FOXO3: variants seen among roughly 807,000 people sequenced by gnomAD.
FOXO3 encodes the protein forkhead box protein O3.
In FOXO3, 4 loss-of-function variants were observed where a neutral mutation model predicts 41.9. The observed-to-expected ratio is 0.10, with a 90% confidence interval of 0.05 to 0.22. The LOEUF (loss-of-function observed/expected upper bound fraction) is 0.22. FOXO3 is among the 10% of genes least tolerant of loss of function. The pLI, the probability that FOXO3 is intolerant of heterozygous loss-of-function variation, is 1.00. For synonymous variants in FOXO3, 318 were observed against 389.3 expected (o/e 0.82, Z 2.16); for missense variants, 534 against 906.8 (o/e 0.59, Z 5.28).
chr6:108,616,013 A>C (rs774109046), intron 1 of FOXO3, among the ~76,000 whole-genome samples: 5 of 150,676 alleles, frequency 3.3e-5, no homozygotes, highest in Non-Finnish European at 7.4e-5. Flanking sequence ...TTTGAGAATG[A>C]GTCTCACTCT....
At chr6:108,583,500 C>T (rs765482714) in intron 1 of FOXO3, among the ~76,000 whole-genome samples, 3 of 152,168 alleles carry the variant, frequency 2.0e-5, no homozygotes, top group Admixed American at 6.5e-5. Flanking sequence ...GGATCAGTGG[C>T]TTTAATGGGC....
chr6:108,567,583 G>C (rs901722500), intron 1 of FOXO3, among the ~76,000 whole-genome samples: 10 of 152,164 alleles, frequency 6.6e-5, no homozygotes, highest in African/African-American at 2.2e-4. Context: ...TGAGTGACTG[G>C]GTTCAGGGTT....
chr6:108,678,607 T>C (rs1194740616), intron 2 of FOXO3, among the ~76,000 whole-genome samples: 1 of 152,034 alleles, frequency 6.6e-6, no homozygotes, highest in Non-Finnish European at 1.5e-5. Flanking sequence ...GCCTTTCCAT[T>C]GAAGACAAAA....
rs1362880994 is a variant in FOXO3 at position 108,669,233 on chromosome 6, G to A, written c.*34+4344G>A. On this transcript the variant is annotated intron_variant, in intron 2 of 2. Coordinates refer to ENST00000406360, the MANE Select transcript of FOXO3 (RefSeq NM_001455.4). Reference sequence around the variant, plus strand: ...AAAGAAATAGTGGTGTACTAGTGTGGCATCAGCAGGCTGCAGTATTGGAAG... The same window carrying A: ...AAAGAAATAGTGGTGTACTAGTGTGACATCAGCAGGCTGCAGTATTGGAAG... 1.3e-5 allele frequency among the ~76,000 whole-genome samples: 2 copies of A among 152,262 alleles called. 1 individual carries two copies. Among genetic ancestry groups the A allele is most frequent in the East Asian group, 3.8e-4 (2 of 5,206 alleles).
At chr6:108,602,178 A>G (rs1777071506) in intron 1 of FOXO3, among the ~76,000 whole-genome samples, 1 of 152,096 alleles carries the variant, frequency 6.6e-6, no homozygotes, top group Non-Finnish European at 1.5e-5. Flanking sequence ...ATGTATATCT[A>G]CTTTTATTTC....
chr6:108,655,700 C>T (rs1462589507), intron 1 of FOXO3, among the ~76,000 whole-genome samples: 1 of 152,152 alleles, frequency 6.6e-6, no homozygotes, highest in African/African-American at 2.4e-5. Flanking sequence ...TTTGAAAGAT[C>T]CTGTCATTAT....
chr6:108,592,985 C>T (rs1314549197), intron 1 of FOXO3, among the ~76,000 whole-genome samples: 1 of 152,086 alleles, frequency 6.6e-6, no homozygotes, highest in Non-Finnish European at 1.5e-5. Flanking sequence ...TGGATGCGTG[C>T]TTAGGAATGC....
intron 1 of FOXO3, among the ~76,000 whole-genome samples, chr6:108,592,855 C>A (rs1033018471): frequency 7.2e-5 from 11 of 152,094 alleles, no homozygotes; most frequent in African/African-American, 2.7e-4. Flanking sequence ...GGTTGGTGCA[C>A]GTGGTAATTG....
At chr6:108,565,230 G>GGA (rs1775920460) in intron 1 of FOXO3, among the ~76,000 whole-genome samples, 1 of 152,160 alleles carries the variant, frequency 6.6e-6, no homozygotes, top group African/African-American at 2.4e-5. Flanking sequence ...GAGGTAAGAA[G>GGA]GATAGCATTT....
intron 1 of FOXO3, among the ~76,000 whole-genome samples, chr6:108,661,079 C>T (rs11153121): frequency 0.087 from 13,183 of 150,982 alleles, 606 homozygotes; most frequent in East Asian, 0.15. Context: ...AAAGAAAATA[C>T]GAAAATACAA....
In FOXO3 at chr6:108,561,338, C is replaced by A; in HGVS notation, c.130C>A (p.Pro44Thr). 6.4e-7 allele frequency: 1 copy of A among 1,568,756 alleles called. No homozygotes were observed. Among genetic ancestry groups the A allele is most frequent in the Non-Finnish European group, 8.6e-7 (1 of 1,159,624 alleles). Reference sequence around the variant, plus strand: ...GCAAAGGCCGGAGCTCCAAGCGAGCCCTGCCAAGCCCTCGGGGGAGACGGC... The same window carrying A: ...GCAAAGGCCGGAGCTCCAAGCGAGCACTGCCAAGCCCTCGGGGGAGACGGC... The part of the protein sequence containing the change: ...PLQRPELQAS[P>T]AKPSGETAAD... The change falls in exon 1 of 3, where the codon CCT (proline) becomes ACT (threonine). Residue 44 changes from proline to threonine, a missense_variant. By Grantham distance (38) the Pro-to-Thr change is conservative (BLOSUM62 -1). Coordinates refer to ENST00000406360, the MANE Select transcript of FOXO3 (RefSeq NM_001455.4).
chr6:108,650,514 C>G (rs1414641107), intron 1 of FOXO3, among the ~76,000 whole-genome samples: 1 of 152,184 alleles, frequency 6.6e-6, no homozygotes, highest in Non-Finnish European at 1.5e-5. Flanking sequence ...ACTACTGATG[C>G]TTGTATTTCC....
At chr6:108,611,561 A>G (rs1365497482) in intron 1 of FOXO3, among the ~76,000 whole-genome samples, 1 of 152,204 alleles carries the variant, frequency 6.6e-6, no homozygotes, top group Non-Finnish European at 1.5e-5. Context: ...TCTCCATTGT[A>G]TAATGTAGTG....
chr6:108,671,906 C>G (rs1043077480), intron 2 of FOXO3, among the ~76,000 whole-genome samples: 4 of 152,216 alleles, frequency 2.6e-5, no homozygotes, highest in African/African-American at 9.7e-5. Context: ...TTGAGGAGAG[C>G]TGTTTGTGGT....
At chr6:108,628,131 G>A (rs2128375051) in intron 1 of FOXO3, among the ~76,000 whole-genome samples, 1 of 152,286 alleles carries the variant, frequency 6.6e-6, no homozygotes, top group East Asian at 1.9e-4. Context: ...GAGACCAAGT[G>A]CTCAATAACC....
intron 1 of FOXO3, among the ~76,000 whole-genome samples, chr6:108,610,447 C>T (rs964893493): frequency 6.6e-5 from 10 of 152,136 alleles, no homozygotes; most frequent in African/African-American, 1.4e-4. Context: ...GGGACTGGAC[C>T]GCTTAGCTTC....
chr6:108,575,378 T>TA lies in FOXO3; in HGVS notation c.621+13563dup, dbSNP rs576004258. Among the ~76,000 whole-genome samples the TA allele has an allele frequency of 5.2e-3, 632 of 121,222 alleles. 1 individual carries two copies. Among genetic ancestry groups the TA allele is most frequent in the African/African-American group, 0.013 (411 of 32,060 alleles). The allele number at this position is 121,222 out of a possible 152,430, so 79.5% of individuals were successfully genotyped here. A position where few individuals can be genotyped will look rare whatever the true frequency, so the allele number is the denominator to read the frequency against. ...TTCCTATTTTATTTTACTTAATACC[T>TA]AAAAAAAAAAAAAAGAAAAGAAAAA... On this transcript the variant is annotated intron_variant, in intron 1 of 2. Coordinates refer to ENST00000406360, the MANE Select transcript of FOXO3 (RefSeq NM_001455.4).
At chr6:108,611,514 C>T (rs1285311063) in intron 1 of FOXO3, among the ~76,000 whole-genome samples, 1 of 152,176 alleles carries the variant, frequency 6.6e-6, no homozygotes, top group Admixed American at 6.5e-5. Context: ...TGTTTCACCT[C>T]CTCTCCAACA....
chr6:108,589,928 T>C (rs1012447477), intron 1 of FOXO3, among the ~76,000 whole-genome samples: 13 of 152,338 alleles, frequency 8.5e-5, no homozygotes, highest in African/African-American at 2.9e-4. Flanking sequence ...GGATGAACTG[T>C]TGCAAGAGCA....
Sources: gnomAD v4.1 joint callset for allele counts (sites outside exome capture counted in the v4.1 genomes callset) on GRCh38, gnomAD v4.1.1 for gene constraint, MANE v1.5 for transcripts, NCBI Gene and HGNC (gene_info 2026-07-23, HGNC 2026-07-21) for gene names.